The following SIRT5 variants were observed in gnomAD, a reference collection of about 807,000 sequenced individuals.
The protein encoded by SIRT5 is sirtuin 5.
A neutral mutation model predicts 40.0 loss-of-function variants in SIRT5; 26 were observed. That is an observed-to-expected ratio of 0.65 (90% CI 0.48 to 0.90). The LOEUF (loss-of-function observed/expected upper bound fraction) is 0.90. SIRT5 is among the 40% of genes least tolerant of loss of function. The pLI, the probability that SIRT5 is intolerant of heterozygous loss-of-function variation, is 0.00. For synonymous variants in SIRT5, 146 were observed against 149.1 expected, an observed-to-expected ratio of 0.98 and a Z score of 0.15; for missense variants, 401 against 402.4, an observed-to-expected ratio of 1.00 and a Z score of 0.03.
intron 4 of SIRT5, among the ~76,000 whole-genome samples, chr6:13,591,148 GTGTAGATGTGCGTGTA>G (rs1286948474): frequency 6.6e-6 from 1 of 152,004 alleles, no homozygotes; most frequent in African/African-American, 2.4e-5. Context: ...GTTTAGTTGT[GTGTAGATGTGCGTGTA>G]TGTAGATGTG....
intron 5 of SIRT5, among the ~76,000 whole-genome samples, chr6:13,592,457 T>C (rs1263896115): frequency 6.6e-6 from 1 of 152,186 alleles, no homozygotes; most frequent in African/African-American, 2.4e-5. Context: ...TTCATCCTGG[T>C]GGGCACTCCC....
At chr6:13,588,590 G>A (rs113715397) in intron 4 of SIRT5, 126 bp downstream of exon 4, 2 of 1,195,130 alleles carry the variant, frequency 1.7e-6, no homozygotes, top group Non-Finnish European at 2.3e-6. Context: ...TGACCCTATT[G>A]TCTCATTGAT....
Position 13,611,207 on chromosome 6 carries a change from G to GTGTATA in SIRT5, c.858-582_858-581insGTATAT, listed in dbSNP as rs1554219247. ...GCTGTAATGTTTTATGTGTGTGTGT[G>GTGTATA]TATATATATATATATATATATATAT... On this transcript the variant is annotated intron_variant, in intron 9 of 9. Transcript: ENST00000606117. 5.0e-4 allele frequency among the ~76,000 whole-genome samples: 47 copies of GTGTATA among 93,594 alleles called. 1 individual carries two copies. The highest frequency in any genetic ancestry group is 1.6e-3 in the African/African-American group (40 of 24,628). The allele number at this position is 93,594 out of a possible 152,430, so 61.4% of individuals were successfully genotyped here. A position where few individuals can be genotyped will look rare whatever the true frequency, so the allele number is the denominator to read the frequency against.
chr6:13,604,604 T>C, intron 9 of SIRT5: 1 of 1,515,530 alleles, frequency 6.6e-7, no homozygotes. Context: ...AACCCAAGTT[T>C]AGAGTTGGCC....
In SIRT5 at chr6:13,597,000, G is replaced by A. The variant is rs2127677905; in HGVS notation, c.601G>A (p.Val201Ile). ...EPGTQDASIP[V>I]EKLPRCEEAG... The stretch of plus-strand genomic sequence containing the variant: ...TGGAACTCAAGATGCCAGCATCCCA[G>A]TTGAGAAACTTCCCCGGTAGGTAGA... Residue 201 changes from valine to isoleucine, a missense_variant, in exon 7 of 10, where the codon GTT (valine) becomes ATT (isoleucine). Val to Ile is a conservative substitution (Grantham distance 29). Transcript: ENST00000606117. 2.5e-6 allele frequency: 4 copies of A among 1,611,750 alleles called. No individual in the cohort carries two copies. Among genetic ancestry groups the A allele is most frequent in the Non-Finnish European group, 3.4e-6 (4 of 1,179,442 alleles).
rs778193163 is a variant in SIRT5 at position 13,584,128 on chromosome 6, T to C, written c.18T>C (p.Ile6=). 2.2e-5 allele frequency: 36 copies of C among 1,614,084 alleles called. No individual in the cohort carries two copies. In the Middle Eastern group the frequency reaches 6.6e-4, roughly 30 times the overall value. The part of the protein sequence containing the change: MRPLQ[I]VPSRLISQLY... ...AAACCCTGATGCGACCTCTCCAGAT[T>C]GTCCCAAGTCGATTGATTTCCCAGC... Residue 6 remains isoleucine (I), a synonymous_variant, in exon 3 of 10, where the codon ATT becomes ATC. Transcript: ENST00000606117.
chr6:13,611,699 T>C (rs1763957490), intron 9 of SIRT5, 91 bp from the exon 10 acceptor site: 1 of 934,936 alleles, frequency 1.1e-6, no homozygotes, highest in South Asian at 1.3e-5. Context: ...TTACTTCGGC[T>C]ATTACTTCAG....
chr6:13,595,710 T>C (rs1761481827), intron 6 of SIRT5, 146 bp downstream of exon 6: 1 of 692,848 alleles, frequency 1.4e-6, no homozygotes, highest in Non-Finnish European at 2.5e-6. Context: ...CAGTGGCTCA[T>C]GCCTGTAATC....
At chr6:13,611,218 TATATATATATATATATATACACACAC>T (rs1763833811) in intron 9 of SIRT5, among the ~76,000 whole-genome samples, 2 of 123,446 alleles carry the variant, frequency 1.6e-5, no homozygotes, top group African/African-American at 3.1e-5. Flanking sequence ...TATATATATA[TATATATATATATATATATACACACAC>T]ACATACACAC....
At chr6:13,591,634 GC>G in intron 4 of SIRT5, 34 bp from the exon 5 acceptor site, 1 of 1,472,596 alleles carries the variant, frequency 6.8e-7, no homozygotes, top group Non-Finnish European at 9.1e-7. Context: ...GGCTGTCTCT[GC>G]CTCCCTCACT....
intron 3 of SIRT5, among the ~76,000 whole-genome samples, chr6:13,585,433 C>T (rs544133769): frequency 6.6e-6 from 1 of 151,864 alleles, no homozygotes; most frequent in South Asian, 2.1e-4. Context: ...TGATGTTACC[C>T]GCCCTGTACC....
intron 9 of SIRT5, chr6:13,605,213 A>G (rs1334674561): frequency 2.1e-6 from 2 of 959,308 alleles, no homozygotes; most frequent in South Asian, 4.8e-5. Flanking sequence ...TTTGCCCACC[A>G]CCTGTATCTG....
At chr6:13,608,900 C>T (rs1353706111) in intron 9 of SIRT5, among the ~76,000 whole-genome samples, 1 of 151,528 alleles carries the variant, frequency 6.6e-6, no homozygotes, top group Non-Finnish European at 1.5e-5. Context: ...CAGCTCACTG[C>T]AACCTCTGCC....
chr6:13,584,665 G>C (rs943589581), intron 3 of SIRT5, among the ~76,000 whole-genome samples: 1 of 152,158 alleles, frequency 6.6e-6, no homozygotes, highest in Non-Finnish European at 1.5e-5. Context: ...TTCTCTTTTA[G>C]GTAATCCCTT....
chr6:13,609,261 C>T (rs1019038596), intron 9 of SIRT5, among the ~76,000 whole-genome samples: 22 of 152,090 alleles, frequency 1.4e-4, no homozygotes, highest in Admixed American at 1.1e-3. Context: ...ATAAACAAAC[C>T]GGTATTCTGT....
At chr6:13,591,995 A>G (rs1760976483) in intron 5 of SIRT5, 101 bp downstream of exon 5, 2 of 1,096,938 alleles carry the variant, frequency 1.8e-6, no homozygotes, top group African/African-American at 1.5e-5. Context: ...CCTGCTGGAC[A>G]TCCGTCCTGT....
chr6:13,608,486 T>C (rs1365155279), intron 9 of SIRT5, among the ~76,000 whole-genome samples: 2 of 151,626 alleles, frequency 1.3e-5, no homozygotes, highest in Non-Finnish European at 2.9e-5. Flanking sequence ...CTTGGGAGGC[T>C]GAGGTGGGAG....
In SIRT5 at chr6:13,588,515, C is replaced by T. The variant is rs373412637; in HGVS notation, c.249+51C>T. ...AAGCCTCTGTCGAATGAAACCATAA[C>T]AGAGTTTGACTCAAATCCTATACCG... On this transcript the variant is annotated intron_variant, in intron 4 of 9. Coordinates refer to ENST00000606117, the MANE Select transcript of SIRT5 (RefSeq NM_012241.5). The T allele has an allele frequency of 2.5e-6, 4 of 1,582,370 alleles. No individual in the cohort carries two copies. In the African/African-American group the frequency reaches 4.1e-5, roughly 16 times the overall value.
chr6:13,603,150 G>T (rs1277323489), intron 9 of SIRT5, among the ~76,000 whole-genome samples: 1 of 151,876 alleles, frequency 6.6e-6, no homozygotes, highest in African/African-American at 2.4e-5. Flanking sequence ...GGTGGTGGGC[G>T]TCTGTAGTCC....
Sources: gnomAD v4.1 joint callset for allele counts (sites outside exome capture counted in the v4.1 genomes callset) on GRCh38, gnomAD v4.1.1 for gene constraint, MANE v1.5 for transcripts, NCBI Gene and HGNC (gene_info 2026-07-23, HGNC 2026-07-21) for gene names.